The following KAZN variants were observed in gnomAD, a reference collection of about 807,000 sequenced individuals.
KAZN encodes kazrin.
A neutral mutation model predicts 87.4 loss-of-function variants in KAZN; 40 were observed. That is an observed-to-expected ratio of 0.46 (90% CI 0.36 to 0.60). The LOEUF is 0.60. KAZN is among the 20% of genes least tolerant of loss of function. The pLI is 0.00. For missense variants in KAZN, 898 were observed against 1,073.9 expected (o/e 0.84, Z 2.29); for synonymous variants, 466 against 458.3 (o/e 1.02, Z -0.22).
At chr1:14,729,920 G>A (rs1643598677) in intron 1 of KAZN, among the ~76,000 whole-genome samples, 1 of 152,062 alleles carries the variant, frequency 6.6e-6, no homozygotes, top group African/African-American at 2.4e-5. Context: ...ATTCAAATGT[G>A]GGTGACTATA....
At chr1:14,780,379 G>C (rs901036401) in intron 1 of KAZN, among the ~76,000 whole-genome samples, 1 of 152,234 alleles carries the variant, frequency 6.6e-6, no homozygotes, top group East Asian at 1.9e-4. Context: ...CTCCACTCTG[G>C]AATGTGTGGA....
At position 14,038,944 on chromosome 1, in the gene KAZN, T is replaced by A. The variant is rs59093710; in HGVS notation, c.92-141491T>A. On this transcript the variant is annotated intron_variant, in intron 1 of 16. Coordinates refer to the KAZN transcript ENST00000636203. ...ACTTTGGGAGGCTGAGGCAGGTGGA[T>A]CATGAGGTCAGGAGATTGAGACCAT... Among the ~76,000 whole-genome samples the A allele has an allele frequency of 2.6e-5, 4 of 152,220 alleles. No homozygotes were observed. The East Asian group carries it at 7.7e-4, about 29-fold the overall frequency.
chr1:14,635,356 A>G (rs1679885739), intron 1 of KAZN, among the ~76,000 whole-genome samples: 1 of 152,162 alleles, frequency 6.6e-6, no homozygotes, highest in Non-Finnish European at 1.5e-5. Flanking sequence ...ACTGGGTATC[A>G]CTGGCACTTG....
At chr1:14,362,061 C>T (rs1248860015) in intron 2 of KAZN, among the ~76,000 whole-genome samples, 1 of 152,156 alleles carries the variant, frequency 6.6e-6, no homozygotes, top group Non-Finnish European at 1.5e-5. Flanking sequence ...TATTAGTTAG[C>T]TATTGCTGCA....
Position 14,080,237 on chromosome 1 carries a change from T to C in KAZN, c.92-100198T>C, listed in dbSNP as rs191395980. 5.7e-3 allele frequency among the ~76,000 whole-genome samples: 787 copies of C among 138,820 alleles called. 7 individuals are homozygous for C. Among genetic ancestry groups the C allele is most frequent in the African/African-American group, 0.02 (752 of 37,552 alleles). 91.1% of individuals were successfully genotyped at this position (138,820 alleles called of 152,430 possible). On this transcript the variant is annotated intron_variant, in intron 1 of 16. Coordinates refer to the KAZN transcript ENST00000636203. The stretch of plus-strand genomic sequence containing the variant: ...GGAAATACCCAAGGAATGAGTAACT[T>C]GAAGAGGTGGCTTAGAGCTCCTTCT...
chr1:14,149,040 T>A (rs1325313368), intron 1 of KAZN, among the ~76,000 whole-genome samples: 2 of 140,076 alleles, frequency 1.4e-5, no homozygotes, highest in African/African-American at 5.5e-5. Context: ...ACAGCCTGCC[T>A]GCCTGCCTGC....
intron 2 of KAZN, among the ~76,000 whole-genome samples, chr1:14,538,956 G>A (rs1342911267): frequency 1.3e-5 from 2 of 152,180 alleles, no homozygotes; most frequent in African/African-American, 4.8e-5. Context: ...TCCATTAGGG[G>A]AGGCGAGTGG....
intron 2 of KAZN, among the ~76,000 whole-genome samples, chr1:14,418,718 T>C (rs758641035): frequency 2.6e-5 from 4 of 152,212 alleles, no homozygotes; most frequent in Non-Finnish European, 5.9e-5. Context: ...GTCTATGATC[T>C]GATCTCTCAA....
chr1:14,690,830 G>A (rs1028386857), intron 1 of KAZN, among the ~76,000 whole-genome samples: 8 of 152,048 alleles, frequency 5.3e-5, no homozygotes, highest in Admixed American at 2.0e-4. Flanking sequence ...TACACTCCCC[G>A]CCCCTCCTCA....
intron 1 of KAZN, among the ~76,000 whole-genome samples, chr1:13,956,301 CT>C (rs61110392): frequency 0.28 from 26,452 of 95,468 alleles, 3,225 homozygotes; most frequent in African/African-American, 0.45. Flanking sequence ...CATTTCTTTT[CT>C]TTTTTTTCTT....
intron 1 of KAZN, among the ~76,000 whole-genome samples, chr1:14,950,821 TC>T (rs1206020378): frequency 6.6e-6 from 1 of 151,996 alleles, no homozygotes. Context: ...GGGGTAACTC[TC>T]CAGGGAGGGT....
intron 2 of KAZN, among the ~76,000 whole-genome samples, chr1:14,217,661 A>G (rs541687024): frequency 5.3e-4 from 81 of 152,276 alleles, no homozygotes; most frequent in African/African-American, 1.8e-3. Flanking sequence ...AAAGTTTCCC[A>G]AAACAATTGT....
chr1:14,374,024 T>A (rs1472639666), intron 2 of KAZN, among the ~76,000 whole-genome samples: 1 of 152,188 alleles, frequency 6.6e-6, no homozygotes, highest in Non-Finnish European at 1.5e-5. Flanking sequence ...TTCTTCGTGG[T>A]AGTTACTGAC....
chr1:14,471,057 G>A (rs1227935902), intron 2 of KAZN, among the ~76,000 whole-genome samples: 1 of 152,156 alleles, frequency 6.6e-6, no homozygotes, highest in East Asian at 1.9e-4. Context: ...CTAGCCTTCT[G>A]ATGGCTGCAA....
chr1:13,989,090 G>A (rs1473311479), intron 1 of KAZN, among the ~76,000 whole-genome samples: 1 of 152,174 alleles, frequency 6.6e-6, no homozygotes, highest in African/African-American at 2.4e-5. Context: ...GGGCAAGAGA[G>A]AGAAAAGGGG....
At chr1:13,997,451 G>A (rs1343203640) in intron 1 of KAZN, among the ~76,000 whole-genome samples, 4 of 152,002 alleles carry the variant, frequency 2.6e-5, no homozygotes, top group African/African-American at 9.7e-5. Flanking sequence ...CTAACCTGAT[G>A]CAAAGAAGCC....
intron 1 of KAZN, among the ~76,000 whole-genome samples, chr1:14,743,230 G>A (rs1020029152): frequency 3.9e-5 from 6 of 151,986 alleles, no homozygotes; most frequent in African/African-American, 1.5e-4. Flanking sequence ...TCAGGAGTTC[G>A]AGACCAGCCT....
intron 2 of KAZN, among the ~76,000 whole-genome samples, chr1:14,381,191 T>C (rs1661337410): frequency 6.6e-6 from 1 of 152,150 alleles, no homozygotes; most frequent in Admixed American, 6.5e-5. Flanking sequence ...AAGGGATTGA[T>C]ACATCAGAAA....
chr1:14,909,279 G>A (rs999097960), intron 1 of KAZN, among the ~76,000 whole-genome samples: 3 of 152,134 alleles, frequency 2.0e-5, no homozygotes, highest in Non-Finnish European at 2.9e-5. Flanking sequence ...GAGGCTCTGA[G>A]CATTTAAGTG....
Sources: gnomAD v4.1 joint callset for allele counts (sites outside exome capture counted in the v4.1 genomes callset) on GRCh38, gnomAD v4.1.1 for gene constraint, MANE v1.5 for transcripts, NCBI Gene and HGNC (gene_info 2026-07-23, HGNC 2026-07-21) for gene names.